The following PRKAG1 variants were observed in gnomAD, a reference collection of about 807,000 sequenced individuals.
The protein encoded by PRKAG1 is protein kinase AMP-activated non-catalytic subunit gamma 1.
Under a neutral mutation model 48.2 loss-of-function variants are expected in PRKAG1, and 27 were observed. The observed-to-expected ratio is 0.56, with a 90% CI of 0.41 to 0.77. The LOEUF (loss-of-function observed/expected upper bound fraction) is 0.77, where lower values mean the gene tolerates loss of function less well. PRKAG1 is among the 30% of genes least tolerant of loss of function. The pLI, the probability that PRKAG1 is intolerant of heterozygous loss-of-function variation, is 0.00. For missense variants in PRKAG1, 287 were observed against 398.3 expected (o/e 0.72, Z 2.38); for synonymous variants, 130 against 147.7 (o/e 0.88, Z 0.87).
Position 49,002,883 on chromosome 12 carries a change from G to T in PRKAG1, c.*16C>A. ...TTGGGCATATCCCCTGGTGCTGCATGACCCCTTCCCCCAGCTCAGGGCTTC... is the reference window on the plus strand; with the variant it reads ...TTGGGCATATCCCCTGGTGCTGCATTACCCCTTCCCCCAGCTCAGGGCTTC... On this transcript the variant is annotated 3_prime_UTR_variant, in exon 12 of 12. Transcript: ENST00000548065. The T allele has an allele frequency of 6.2e-7, 1 of 1,606,222 alleles. No individual in the cohort carries two copies. Among genetic ancestry groups the T allele is most frequent in the South Asian group, 1.1e-5 (1 of 90,882 alleles).
intron 1 of PRKAG1, 185 bp downstream of exon 1, chr12:49,018,547 C>T: frequency 6.8e-7 from 1 of 1,460,580 alleles, no homozygotes; most frequent in Non-Finnish European, 9.0e-7. Flanking sequence ...GGACGCGGCC[C>T]AGTTCCAGGA....
Position 49,002,720 on chromosome 12 carries a change from G to A in PRKAG1, c.*179C>T. 1 of 716,976 alleles carries A rather than the reference G, an allele frequency of 1.4e-6. No individual in the cohort carries two copies. Among genetic ancestry groups the A allele is most frequent in the South Asian group, 1.5e-5 (1 of 66,806 alleles). The allele number at this position is 716,976 out of a possible 1,614,324, so 44.4% of individuals were successfully genotyped here. Reference sequence around the variant, plus strand: ...AAGTGTATGTGTGAGGGTAAGGGTAGCTATAAATCCATTCTCTTTCCTCCC... The same window carrying A: ...AAGTGTATGTGTGAGGGTAAGGGTAACTATAAATCCATTCTCTTTCCTCCC... On this transcript the variant is annotated 3_prime_UTR_variant, in exon 12 of 12. Coordinates refer to ENST00000548065, the MANE Select transcript of PRKAG1 (RefSeq NM_002733.5).
intron 1 of PRKAG1, among the ~76,000 whole-genome samples, chr12:49,015,632 A>G (rs1052238048): frequency 2.6e-5 from 4 of 151,324 alleles, no homozygotes; most frequent in Admixed American, 2.6e-4. Context: ...GAGTGCAGTG[A>G]TGCGATCTTG....
At position 49,005,646 on chromosome 12, in the gene PRKAG1, C is replaced by G; in HGVS notation, c.168+97G>C. 6.2e-7 allele frequency: 1 copy of G among 1,610,884 alleles called. No homozygotes were observed. ...GTTGGGTAAAACATGAGACTAACTT[C>G]ACAGAAGGATAAGGATATTACCCTT... On this transcript the variant is annotated intron_variant, in intron 3 of 11. Coordinates refer to ENST00000548065, the MANE Select transcript of PRKAG1 (RefSeq NM_002733.5). The surrounding 1 kb of genome is among the most constrained non-coding windows in gnomAD (Gnocchi z 4.1).
intron 2 of PRKAG1, among the ~76,000 whole-genome samples, chr12:49,011,278 C>T (rs1220918351): frequency 1.3e-5 from 2 of 152,216 alleles, no homozygotes; most frequent in Non-Finnish European, 2.9e-5. Flanking sequence ...TACTATCATT[C>T]AGGCCACAGG....
chr12:49,007,029 T>C (rs1375957555), intron 2 of PRKAG1, among the ~76,000 whole-genome samples: 3 of 150,810 alleles, frequency 2.0e-5, no homozygotes, highest in Non-Finnish European at 4.4e-5. Context: ...CTCACACCTG[T>C]AACCCAGGAC....
intron 9 of PRKAG1, 40 bp from the exon 10 acceptor site, chr12:49,003,635 T>C: frequency 1.2e-6 from 2 of 1,612,266 alleles, no homozygotes; most frequent in Non-Finnish European, 8.5e-7. Flanking sequence ...GGATCTGGGA[T>C]CTAAAGCTCC....
chr12:49,014,650 C>T (rs1378973106), intron 1 of PRKAG1, among the ~76,000 whole-genome samples: 1 of 152,210 alleles, frequency 6.6e-6, no homozygotes, highest in South Asian at 2.1e-4. Flanking sequence ...ATAAGGAACA[C>T]GAATGTACTG....
chr12:49,013,962 G>C (rs1401398234), intron 1 of PRKAG1, among the ~76,000 whole-genome samples: 2 of 152,100 alleles, frequency 1.3e-5, no homozygotes, highest in Non-Finnish European at 2.9e-5. Context: ...TTGGCTCACT[G>C]CAACTGCCTC....
chr12:49,010,549 G>A (rs1042985207), intron 2 of PRKAG1, among the ~76,000 whole-genome samples: 2 of 152,150 alleles, frequency 1.3e-5, no homozygotes, highest in Non-Finnish European at 2.9e-5. Context: ...CAGATTTCCA[G>A]TCTCTGCCAC....
At chr12:49,006,910 G>A (rs533371145) in intron 2 of PRKAG1, among the ~76,000 whole-genome samples, 75 of 150,460 alleles carry the variant, frequency 5.0e-4, no homozygotes, top group African/African-American at 1.5e-3. Context: ...CAGAGGTTGC[G>A]ATGAGCCGAG....
At chr12:49,007,502 A>G (rs1941591169) in intron 2 of PRKAG1, among the ~76,000 whole-genome samples, 1 of 152,186 alleles carries the variant, frequency 6.6e-6, no homozygotes, top group African/African-American at 2.4e-5. Context: ...TTATTTTTTT[A>G]ACCAAAGTTA....
intron 8 of PRKAG1, 142 bp from the exon 9 acceptor site, chr12:49,004,064 C>G: frequency 8.6e-7 from 1 of 1,163,214 alleles, no homozygotes; most frequent in African/African-American, 1.6e-5. Context: ...CTGAGGGGGA[C>G]ATATTGCTTG....
chr12:49,005,030 A>C lies in PRKAG1; in HGVS notation c.356-12T>G. 6.2e-7 allele frequency: 1 copy of C among 1,613,844 alleles called. No individual in the cohort carries two copies. Among genetic ancestry groups the C allele is most frequent in the Non-Finnish European group, 8.5e-7 (1 of 1,179,858 alleles). On this transcript the variant is annotated splice_polypyrimidine_tract_variant and intron_variant, in intron 6 of 11. Coordinates refer to ENST00000548065, the MANE Select transcript of PRKAG1 (RefSeq NM_002733.5). This position sits in a 1 kb window ranked among gnomAD's most constrained non-coding sequence, Gnocchi z 4.1. ...CTGGAGATACACCTCTGAAGGGAAAAGGGATGGGTCACAAAATACCACCAT... is the reference window on the plus strand; with the variant it reads ...CTGGAGATACACCTCTGAAGGGAAACGGGATGGGTCACAAAATACCACCAT...
chr12:49,016,859 A>C, intron 1 of PRKAG1: 7 of 271,332 alleles, frequency 2.6e-5, no homozygotes, highest in South Asian at 2.2e-4. Flanking sequence ...AACAAAGTTC[A>C]AATTTAGCAT....
At chr12:49,013,004 C>T (rs1218285347) in intron 2 of PRKAG1, 58 bp downstream of exon 2, 1 of 1,487,546 alleles carries the variant, frequency 6.7e-7, no homozygotes, top group African/African-American at 1.4e-5. Flanking sequence ...TTGTTGAAGA[C>T]ATTGTTAGGG....
intron 7 of PRKAG1, 137 bp downstream of exon 7, chr12:49,004,827 G>C (rs1332918674): frequency 4.6e-5 from 41 of 887,748 alleles, no homozygotes; most frequent in Non-Finnish European, 7.3e-5. Flanking sequence ...GTGTGTGTGT[G>C]TGTGTGTGTG....
At chr12:49,017,071 T>A in intron 1 of PRKAG1, 1 of 447,164 alleles carries the variant, frequency 2.2e-6, no homozygotes, top group Non-Finnish European at 4.5e-6. Flanking sequence ...TCTCAGCTAT[T>A]CTGTCACAGT....
intron 1 of PRKAG1, among the ~76,000 whole-genome samples, chr12:49,014,767 G>A (rs1452096317): frequency 6.6e-6 from 1 of 152,256 alleles, no homozygotes; most frequent in Non-Finnish European, 1.5e-5. Flanking sequence ...TGAGATTAGA[G>A]AGTGCTTTGA....
Sources: gnomAD v4.1 joint callset for allele counts (sites outside exome capture counted in the v4.1 genomes callset) on GRCh38, gnomAD v4.1.1 for gene constraint, Gnocchi (gnomAD v3.1) non-coding constraint, MANE v1.5 for transcripts, NCBI Gene and HGNC (gene_info 2026-07-23, HGNC 2026-07-21) for gene names.